FAM222B: variants seen among roughly 807,000 people sequenced by gnomAD.
FAM222B encodes the protein family with sequence similarity 222 member B, also known as protein FAM222B.
In FAM222B, 12 loss-of-function variants were observed where a neutral mutation model predicts 38.0. The observed-to-expected ratio is 0.32, with a 90% CI of 0.20 to 0.51. The LOEUF (loss-of-function observed/expected upper bound fraction) is 0.51. Among genes scored for constraint, FAM222B ranks in the 20% least tolerant of loss-of-function variants. The pLI is 0.97. For missense variants in FAM222B, 716 were observed against 754.2 expected (o/e 0.95, Z 0.59); for synonymous variants, 329 against 317.2 (o/e 1.04, Z -0.40).
intron 1 of FAM222B, among the ~76,000 whole-genome samples, chr17:28,839,399 G>A (rs1400430377): frequency 6.6e-6 from 1 of 151,998 alleles, no homozygotes; most frequent in African/African-American, 2.4e-5. Context: ...CATTTTGTAA[G>A]GTCATTTACT....
intron 1 of FAM222B, among the ~76,000 whole-genome samples, chr17:28,821,975 A>T (rs1358458521): frequency 6.6e-6 from 1 of 152,072 alleles, no homozygotes; most frequent in African/African-American, 2.4e-5. Flanking sequence ...AAAATAAATA[A>T]ACAAATAAAA....
At chr17:28,821,676 A>G (rs1454881422) in intron 1 of FAM222B, among the ~76,000 whole-genome samples, 2 of 152,054 alleles carry the variant, frequency 1.3e-5, no homozygotes, top group Non-Finnish European at 2.9e-5. Flanking sequence ...ATAATCGTAC[A>G]GGGCCGGGTG....
chr17:28,847,240 G>GA (rs1338349969), upstream of FAM222B, among the ~76,000 whole-genome samples: 2 of 151,168 alleles, frequency 1.3e-5, no homozygotes, highest in African/African-American at 2.4e-5. Flanking sequence ...AAAAGAAAAA[G>GA]AAAAAATCTA....
At chr17:28,791,907 G>A (rs531481859) in intron 1 of FAM222B, among the ~76,000 whole-genome samples, 64 of 150,960 alleles carry the variant, frequency 4.2e-4, no homozygotes, top group African/African-American at 1.4e-3. Flanking sequence ...TGATCTGCCC[G>A]CCTTCGCCTC....
chr17:28,841,249 G>A (rs2152630877), intron 1 of FAM222B, among the ~76,000 whole-genome samples: 1 of 152,104 alleles, frequency 6.6e-6, no homozygotes. Flanking sequence ...GAGCCGAGAT[G>A]ATGCCACTGC....
intron 1 of FAM222B, 47 bp from the exon 2 acceptor site, chr17:28,766,754 GAAGAA>G: frequency 9.2e-7 from 1 of 1,081,176 alleles, no homozygotes; most frequent in East Asian, 2.6e-5. Flanking sequence ...CAACTCATTC[GAAGAA>G]GAGAGTAGGA....
At chr17:28,769,947 AG>A in intron 1 of FAM222B, among the ~76,000 whole-genome samples, 1 of 152,246 alleles carries the variant, frequency 6.6e-6, no homozygotes, top group Non-Finnish European at 1.5e-5. Flanking sequence ...TCTTAAGGGG[AG>A]GGCTTCTTTG....
intron 1 of FAM222B, among the ~76,000 whole-genome samples, chr17:28,797,216 G>T (rs2036984193): frequency 6.6e-6 from 1 of 151,808 alleles, no homozygotes; most frequent in African/African-American, 2.4e-5. Flanking sequence ...GGCTGGTCTT[G>T]AACTCCTGGC....
In FAM222B at chr17:28,759,531, G is replaced by C; in HGVS notation, c.428C>G (p.Thr143Ser). 2 of 1,595,542 alleles carry C rather than the reference G, an allele frequency of 1.3e-6. No homozygotes were observed. Among genetic ancestry groups the C allele is most frequent in the Non-Finnish European group, 1.7e-6 (2 of 1,169,648 alleles). Reference sequence around the variant, plus strand: ...AGCCTGGGCCTGGGGGTGGGCTAAAGTGCTGGGTGCCACAGTAGCATAGGG... The same window carrying C: ...AGCCTGGGCCTGGGGGTGGGCTAAACTGCTGGGTGCCACAGTAGCATAGGG... ...VAPYATVAPS[T>S]LAHPQAQALA... The change falls in exon 3 of 3, where the codon ACT becomes AGT. Residue 143 changes from threonine to serine, a missense_variant. Thr to Ser is a moderately conservative substitution (Grantham distance 58). Transcript: ENST00000581407. The surrounding 1 kb of genome is among the most constrained non-coding windows in gnomAD (Gnocchi z 4.8).
chr17:28,831,503 G>T (rs1002075843), intron 1 of FAM222B, among the ~76,000 whole-genome samples: 9 of 135,740 alleles, frequency 6.6e-5, no homozygotes, highest in African/African-American at 1.1e-4. Context: ...CTTGTCAAAG[G>T]CTTTTTTTTT....
chr17:28,783,503 A>G (rs569391688), intron 1 of FAM222B, among the ~76,000 whole-genome samples: 53 of 146,380 alleles, frequency 3.6e-4, no homozygotes, highest in African/African-American at 1.2e-3. Flanking sequence ...AATGTACCCT[A>G]CCTTCATGAG....
chr17:28,839,453 A>T lies in FAM222B; in HGVS notation c.-41+3229T>A, dbSNP rs1357473069. Among the ~76,000 whole-genome samples, 3 of 152,324 alleles carry T rather than the reference A, an allele frequency of 2.0e-5. No individual in the cohort carries two copies. The East Asian group carries it at 5.8e-4, about 29-fold the overall frequency. ...GTAGGAAAGATAACAGAAGGAGAGG[A>T]GGACAGGAAATTCTCATCACAGCTG... On this transcript the variant is annotated intron_variant, in intron 1 of 2. Transcript: ENST00000581407.
At chr17:28,851,873 CAAA>C (rs35357029) in intron 1 of FAM222B, among the ~76,000 whole-genome samples, 4 of 112,620 alleles carry the variant, frequency 3.6e-5, no homozygotes, top group Admixed American at 9.2e-5. Flanking sequence ...GACTCCATCT[CAAA>C]AAAAAAAAAA....
chr17:28,779,383 A>G (rs1011203428), intron 1 of FAM222B, among the ~76,000 whole-genome samples: 2 of 152,192 alleles, frequency 1.3e-5, no homozygotes, highest in African/African-American at 2.4e-5. Flanking sequence ...CAACATAAAC[A>G]AATCTATAAA....
At chr17:28,833,612 C>CAAAAA (rs370065990) in intron 1 of FAM222B, among the ~76,000 whole-genome samples, 5 of 73,158 alleles carry the variant, frequency 6.8e-5, no homozygotes, top group African/African-American at 2.1e-4. Flanking sequence ...GACTTTGTCT[C>CAAAAA]AAAAAAAAAA....
chr17:28,764,620 T>A (rs954975260), intron 2 of FAM222B, among the ~76,000 whole-genome samples: 1 of 151,708 alleles, frequency 6.6e-6, no homozygotes, highest in Non-Finnish European at 1.5e-5. Flanking sequence ...TGGTGGTGCA[T>A]GCCTGTAATC....
upstream of FAM222B, among the ~76,000 whole-genome samples, chr17:28,847,391 G>C (rs1332123448): frequency 6.6e-6 from 1 of 151,548 alleles, no homozygotes; most frequent in Non-Finnish European, 1.5e-5. Flanking sequence ...TCAGGAGTTC[G>C]AGGCCAGTTT....
At chr17:28,841,576 A>G (rs1205657268) in intron 1 of FAM222B, among the ~76,000 whole-genome samples, 4 of 152,014 alleles carry the variant, frequency 2.6e-5, no homozygotes, top group East Asian at 3.9e-4. Flanking sequence ...GGATTTCACT[A>G]CGTTGGCTAG....
intron 1 of FAM222B, among the ~76,000 whole-genome samples, chr17:28,805,408 G>A (rs1597975110): frequency 6.6e-6 from 1 of 152,166 alleles, no homozygotes; most frequent in Non-Finnish European, 1.5e-5. Context: ...GGTGGTACAT[G>A]CCTGTAATCC....
Sources: gnomAD v4.1 joint callset for allele counts (sites outside exome capture counted in the v4.1 genomes callset) on GRCh38, gnomAD v4.1.1 for gene constraint, Gnocchi (gnomAD v3.1) non-coding constraint, MANE v1.5 for transcripts, NCBI Gene and HGNC (gene_info 2026-07-23, HGNC 2026-07-21) for gene names.